The following FTO variants were observed in gnomAD, a reference collection of about 807,000 sequenced individuals.
The protein encoded by FTO is alpha-ketoglutarate-dependent dioxygenase FTO.
Under a neutral mutation model 63.9 loss-of-function variants are expected in FTO, and 47 were observed. The observed-to-expected ratio is 0.74, with a 90% CI of 0.58 to 0.94. The LOEUF is 0.94. Ranked by LOEUF, FTO falls within the 40% of genes least tolerant of loss-of-function variation. FTO has a pLI of 0.00. For synonymous variants in FTO, 207 were observed against 224.4 expected (o/e 0.92, Z 0.69); for missense variants, 562 against 618.1 (o/e 0.91, Z 0.96).
At chr16:53,800,276 A>G (rs2151710934) in intron 1 of FTO, among the ~76,000 whole-genome samples, 1 of 152,288 alleles carries the variant, frequency 6.6e-6, no homozygotes, top group South Asian at 2.1e-4. Flanking sequence ...TTTAGGAATC[A>G]ATTATTTAGT....
intron 1 of FTO, among the ~76,000 whole-genome samples, chr16:53,748,614 C>T (rs1197207346): frequency 6.6e-6 from 1 of 152,116 alleles, no homozygotes; most frequent in Non-Finnish European, 1.5e-5. Flanking sequence ...ACCACCATGC[C>T]TGGCTAATTT....
intron 3 of FTO, among the ~76,000 whole-genome samples, chr16:53,843,565 A>G (rs1255452982): frequency 6.6e-6 from 1 of 152,126 alleles, no homozygotes; most frequent in Non-Finnish European, 1.5e-5. Context: ...TTACTGATGT[A>G]TAGTTGCTCT....
chr16:53,787,110 CAAAAAAAAAAA>C (rs35391915), intron 1 of FTO, among the ~76,000 whole-genome samples: 18 of 56,170 alleles, frequency 3.2e-4, no homozygotes, highest in African/African-American at 1.4e-3. Flanking sequence ...GACTCCTTCT[CAAAAAAAAAAA>C]AAAAAAAAAA....
At chr16:54,054,924 T>C (rs771634761) in intron 8 of FTO, among the ~76,000 whole-genome samples, 2 of 152,196 alleles carry the variant, frequency 1.3e-5, no homozygotes, top group African/African-American at 2.4e-5. Context: ...AATCACCCCA[T>C]TGATACAAGA....
intron 8 of FTO, among the ~76,000 whole-genome samples, chr16:54,087,608 G>A (rs1289906728): frequency 6.6e-5 from 10 of 152,086 alleles, no homozygotes; most frequent in African/African-American, 2.4e-4. Flanking sequence ...TTCGAGACCA[G>A]CCTGGAAAAC....
At chr16:53,774,815 A>G (rs1475729030) in intron 1 of FTO, among the ~76,000 whole-genome samples, 2 of 152,176 alleles carry the variant, frequency 1.3e-5, no homozygotes, top group African/African-American at 4.8e-5. Flanking sequence ...CATTCCTAGA[A>G]CTGTTGATTT....
intron 8 of FTO, among the ~76,000 whole-genome samples, chr16:54,074,871 A>C (rs1599321978): frequency 6.6e-6 from 1 of 151,278 alleles, no homozygotes. Context: ...GTTTTTCTGT[A>C]GCTTTAACCA....
At chr16:53,905,393 T>C (rs1262031733) in intron 7 of FTO, among the ~76,000 whole-genome samples, 1 of 152,178 alleles carries the variant, frequency 6.6e-6, no homozygotes, top group East Asian at 1.9e-4. Flanking sequence ...CCTTAGCAGA[T>C]GGTTGTGAGA....
intron 1 of FTO, among the ~76,000 whole-genome samples, chr16:53,805,200 C>T (rs1049884065): frequency 7.2e-5 from 11 of 152,188 alleles, no homozygotes; most frequent in East Asian, 1.9e-4. Flanking sequence ...AATCTTGACA[C>T]GGCTGAAGAG....
chr16:53,749,301 C>CT (rs879575099), intron 1 of FTO, among the ~76,000 whole-genome samples: 103 of 152,096 alleles, frequency 6.8e-4, no homozygotes, highest in Middle Eastern at 3.4e-3. Flanking sequence ...TATTTGGATG[C>CT]TTTTTTTCTC....
chr16:53,882,871 A>G (rs1248836420), intron 6 of FTO, among the ~76,000 whole-genome samples: 1 of 152,212 alleles, frequency 6.6e-6, no homozygotes, highest in Non-Finnish European at 1.5e-5. Context: ...CATAATCTCC[A>G]GAACCACAGG....
intron 3 of FTO, among the ~76,000 whole-genome samples, chr16:53,840,106 T>G (rs1179051831): frequency 6.6e-6 from 1 of 151,990 alleles, no homozygotes; most frequent in Non-Finnish European, 1.5e-5. Context: ...CCTGGGCCTT[T>G]TTATTTCTTT....
chr16:53,743,185 T>C (rs2076568355), intron 1 of FTO, among the ~76,000 whole-genome samples: 1 of 152,188 alleles, frequency 6.6e-6, no homozygotes, highest in African/African-American at 2.4e-5. Flanking sequence ...ATATTATATT[T>C]CTACATTTTC....
At chr16:53,791,864 G>C (rs2077923143) in intron 1 of FTO, among the ~76,000 whole-genome samples, 1 of 152,104 alleles carries the variant, frequency 6.6e-6, no homozygotes, top group South Asian at 2.1e-4. Context: ...ACGAGGTCAG[G>C]AGATCGAGAC....
chr16:54,006,921 G>A (rs1429421790), intron 8 of FTO, among the ~76,000 whole-genome samples: 1 of 152,218 alleles, frequency 6.6e-6, no homozygotes, highest in Admixed American at 6.5e-5. Context: ...CTGCTAGCCT[G>A]TGGCAGCTTT....
At position 53,826,433 on chromosome 16, in the gene FTO, T is replaced by A; in HGVS notation, c.693T>A (p.His231Gln). ...TGGGGAAAATGGCAGTGAGCTGGCATCATGATGAAAATCTGGTGGACAGGT... is the reference window on the plus strand; with the variant it reads ...TGGGGAAAATGGCAGTGAGCTGGCAACATGATGAAAATCTGGTGGACAGGT... ...FGMGKMAVSW[H>Q]HDENLVDRSA... Residue 231 changes from histidine to glutamine, a missense_variant, in exon 3 of 9, where the codon CAT (histidine) becomes CAA (glutamine). His to Gln is a conservative substitution (Grantham distance 24). Transcript: ENST00000471389. 2 of 1,614,150 alleles carry A rather than the reference T, an allele frequency of 1.2e-6. No individual in the cohort carries two copies. Among genetic ancestry groups the A allele is most frequent in the Non-Finnish European group, 1.7e-6 (2 of 1,180,014 alleles).
chr16:53,991,288 C>T (rs2083804788), intron 8 of FTO: 1 of 152,156 alleles, frequency 6.6e-6, no homozygotes, highest in South Asian at 2.1e-4. Context: ...ACACCCAAGC[C>T]TCGTGATTAA....
chr16:54,076,059 C>T (rs1033335133), intron 8 of FTO, among the ~76,000 whole-genome samples: 4 of 152,142 alleles, frequency 2.6e-5, no homozygotes, highest in Non-Finnish European at 5.9e-5. Context: ...CCAAGACAAG[C>T]AGGACTTAAC....
At chr16:53,911,977 G>C (rs1402321666) in intron 7 of FTO, among the ~76,000 whole-genome samples, 1 of 152,200 alleles carries the variant, frequency 6.6e-6, no homozygotes, top group African/African-American at 2.4e-5. Flanking sequence ...AGTATTTGTG[G>C]AGCAAAATGA....
Sources: allele counts gnomAD v4.1 joint callset (sites outside exome capture counted in the v4.1 genomes callset), GRCh38; gene constraint gnomAD v4.1.1; transcripts MANE v1.5; gene names NCBI Gene and HGNC (gene_info 2026-07-23, HGNC 2026-07-21).